Variants in RGS6 observed in about 807,000 individuals in gnomAD.
RGS6 encodes regulator of G-protein signaling 6.
Under a neutral mutation model 78.5 loss-of-function variants are expected in RGS6, and 30 were observed. That is an observed-to-expected ratio of 0.38 (90% CI 0.29 to 0.52). The LOEUF is 0.52. RGS6 is among the 20% of genes least tolerant of loss of function. The pLI, the probability that RGS6 is intolerant of heterozygous loss-of-function variation, is 0.85. For missense variants in RGS6, 495 were observed against 609.7 expected (o/e 0.81, Z 1.98); for synonymous variants, 206 against 206.0 (o/e 1.00, Z 0.00).
chr14:72,469,024 G>A (rs998521064), intron 7 of RGS6, among the ~76,000 whole-genome samples: 1 of 152,010 alleles, frequency 6.6e-6, no homozygotes. Context: ...GAATTAGGAG[G>A]ATCATTAGGG....
intron 2 of RGS6, among the ~76,000 whole-genome samples, chr14:72,260,507 G>A (rs2057960913): frequency 6.6e-6 from 1 of 152,212 alleles, no homozygotes; most frequent in Non-Finnish European, 1.5e-5. Flanking sequence ...GATGACTGGT[G>A]ATCTAGGAGG....
At chr14:72,540,504 AAG>A in intron 17 of RGS6, 3 of 1,554,124 alleles carry the variant, frequency 1.9e-6, no homozygotes, top group Admixed American at 2.0e-5. Context: ...AAAAAAAAAA[AAG>A]CCAAAATTTC....
At chr14:72,488,832 C>T (rs1249965364) in intron 12 of RGS6, among the ~76,000 whole-genome samples, 1 of 152,176 alleles carries the variant, frequency 6.6e-6, no homozygotes, top group Non-Finnish European at 1.5e-5. Flanking sequence ...GACCCCACTT[C>T]CCAGGTTGGA....
At chr14:72,550,413 TGCACTAA>T (rs1567112245) in intron 17 of RGS6, 5 of 1,497,300 alleles carry the variant, frequency 3.3e-6, no homozygotes, top group Non-Finnish European at 4.5e-6. Context: ...TTTTTTTGTT[TGCACTAA>T]GCACCAAGTA....
chr14:72,523,539 G>A (rs1037086321), intron 15 of RGS6, among the ~76,000 whole-genome samples: 3 of 152,162 alleles, frequency 2.0e-5, no homozygotes, highest in Non-Finnish European at 4.4e-5. Context: ...GGGGTGGGGT[G>A]CAGCCTCTCT....
chr14:72,238,154 G>A (rs907381914), intron 2 of RGS6, among the ~76,000 whole-genome samples: 1 of 152,174 alleles, frequency 6.6e-6, no homozygotes, highest in African/African-American at 2.4e-5. Flanking sequence ...CTCCAAAGTT[G>A]TTCTCTTTGA....
intron 17 of RGS6, among the ~76,000 whole-genome samples, chr14:72,551,166 G>A (rs1448359522): frequency 6.6e-6 from 1 of 152,106 alleles, no homozygotes; most frequent in Non-Finnish European, 1.5e-5. Flanking sequence ...AGTTATCATA[G>A]CTGTAGGACA....
At chr14:72,466,044 A>G (rs2095902446) in intron 7 of RGS6, among the ~76,000 whole-genome samples, 1 of 152,230 alleles carries the variant, frequency 6.6e-6, no homozygotes, top group African/African-American at 2.4e-5. Flanking sequence ...CAATAAAAAA[A>G]TAAGCAGCTC....
chr14:72,168,582 G>A (rs2096962907), intron 2 of RGS6, among the ~76,000 whole-genome samples: 1 of 152,230 alleles, frequency 6.6e-6, no homozygotes, highest in Non-Finnish European at 1.5e-5. Flanking sequence ...TGCTGACACG[G>A]TAGTGTTTTG....
chr14:72,200,961 TAAAAAAAAAA>T (rs10577203), intron 2 of RGS6, among the ~76,000 whole-genome samples: 46 of 121,626 alleles, frequency 3.8e-4, no homozygotes, highest in Admixed American at 3.3e-3. Flanking sequence ...GTGCTCTGCT[TAAAAAAAAAA>T]AAAAAAAAAA....
At chr14:72,589,584 A>G in the RGS6 span, among the ~76,000 whole-genome samples, 2 of 138,100 alleles carry the variant, frequency 1.4e-5, no homozygotes, top group African/African-American at 5.3e-5. Flanking sequence ...TTTCTTGGGA[A>G]GCAATATGTC....
At chr14:72,066,556 A>G (rs1230204484) in intron 2 of RGS6, among the ~76,000 whole-genome samples, 2 of 150,052 alleles carry the variant, frequency 1.3e-5, no homozygotes, top group Admixed American at 1.3e-4. Context: ...TCTCTTTTCA[A>G]AGAGTGGCAT....
At chr14:71,922,925 A>C in the RGS6 span, among the ~76,000 whole-genome samples, 2 of 152,194 alleles carry the variant, frequency 1.3e-5, no homozygotes, top group African/African-American at 2.4e-5. Flanking sequence ...TCAAAATTCC[A>C]TTTCAGAAAA....
the RGS6 span, among the ~76,000 whole-genome samples, chr14:71,895,052 C>T: frequency 6.6e-6 from 1 of 152,146 alleles, no homozygotes; most frequent in Admixed American, 6.5e-5. Context: ...GCGTGAGCCA[C>T]TGCACCCAGC....
the RGS6 span, among the ~76,000 whole-genome samples, chr14:72,579,689 A>G: frequency 2.6e-5 from 4 of 152,220 alleles, no homozygotes; most frequent in African/African-American, 9.6e-5. Context: ...ATAGGAAACT[A>G]GGAATGGACA....
intron 17 of RGS6, among the ~76,000 whole-genome samples, chr14:72,559,135 A>G (rs911839947): frequency 4.8e-4 from 73 of 152,200 alleles, no homozygotes; most frequent in African/African-American, 1.7e-3. Flanking sequence ...CAAACTGGAG[A>G]CAGAGATGAG....
At chr14:72,095,176 G>A (rs143483884) in intron 2 of RGS6, among the ~76,000 whole-genome samples, 3 of 152,168 alleles carry the variant, frequency 2.0e-5, no homozygotes, top group African/African-American at 7.2e-5. Flanking sequence ...CTATGATTGA[G>A]CTCAATTTTG....
intron 12 of RGS6, among the ~76,000 whole-genome samples, chr14:72,478,735 A>G (rs1204320066): frequency 2.0e-5 from 3 of 152,210 alleles, no homozygotes; most frequent in Non-Finnish European, 4.4e-5. Context: ...CTGCATAGAC[A>G]GGAGGGGACT....
At chr14:72,170,298 A>G (rs530920604) in intron 2 of RGS6, among the ~76,000 whole-genome samples, 2 of 152,354 alleles carry the variant, frequency 1.3e-5, no homozygotes, top group East Asian at 3.9e-4. Context: ...GTATTGGTGA[A>G]GCCTAGTGGA....
Sources: allele counts gnomAD v4.1 joint callset (sites outside exome capture counted in the v4.1 genomes callset), GRCh38; gene constraint gnomAD v4.1.1; transcripts MANE v1.5; gene names NCBI Gene and HGNC (gene_info 2026-07-23, HGNC 2026-07-21).